The following KIRREL3 variants were observed in gnomAD, a reference collection of about 807,000 sequenced individuals.
KIRREL3 encodes the protein kin of IRRE-like protein 3.
A neutral mutation model predicts 89.7 loss-of-function variants in KIRREL3; 36 were observed. The observed-to-expected ratio is 0.40, with a 90% CI of 0.31 to 0.53. The LOEUF (loss-of-function observed/expected upper bound fraction) is 0.53, where lower values mean the gene tolerates loss of function less well. KIRREL3 is among the 20% of genes least tolerant of loss of function. The pLI is 0.49. For synonymous variants in KIRREL3, 445 were observed against 441.4 expected, an observed-to-expected ratio of 1.01 and a Z score of -0.10; for missense variants, 864 against 1,056.6, an observed-to-expected ratio of 0.82 and a Z score of 2.53.
rs1957036013 is a variant in KIRREL3, at chr11:126,475,383, C to T, written c.434-1917G>A. On this transcript the variant is annotated intron_variant, in intron 4 of 16. Coordinates refer to ENST00000525144, the MANE Select transcript of KIRREL3 (RefSeq NM_032531.4). This position sits in a 1 kb window ranked among gnomAD's most constrained non-coding sequence, Gnocchi z 7.5. ...TGAAAGCTCCAGGAGGGACAGGAAG[C>T]CCCAGTGGGGGCCGGTAAGAAGCCA... 6.6e-6 allele frequency among the ~76,000 whole-genome samples: 1 copy of T among 152,206 alleles called. No individual in the cohort carries two copies. Among genetic ancestry groups the T allele is most frequent in the Non-Finnish European group, 1.5e-5 (1 of 68,024 alleles).
chr11:126,755,823 CAGAGAGAGAGAGAG>C lies in KIRREL3; in HGVS notation c.56-192925_56-192912del, dbSNP rs10616492. Among the ~76,000 whole-genome samples, 95 of 147,900 alleles carry C rather than the reference CAGAGAGAGAGAGAG, an allele frequency of 6.4e-4. No individual in the cohort carries two copies. The highest frequency in any genetic ancestry group is 4.2e-3 in the East Asian group (21 of 4,990). On this transcript the variant is annotated intron_variant, in intron 1 of 16. Coordinates refer to ENST00000525144, the MANE Select transcript of KIRREL3 (RefSeq NM_032531.4). The surrounding 1 kb of genome is among the most constrained non-coding windows in gnomAD (Gnocchi z 4.3). The stretch of plus-strand genomic sequence containing the variant: ...GCGTGCTCGCCATCTGCCATTCAGG[CAGAGAGAGAGAGAG>C]AGAGAGAGAGAGAGAGAGGGAGAGA...
intron 1 of KIRREL3, among the ~76,000 whole-genome samples, chr11:126,865,891 T>C (rs562262072): frequency 6.6e-6 from 1 of 152,262 alleles, no homozygotes; most frequent in South Asian, 2.1e-4. Context: ...TAACTTTGTT[T>C]TTCCTTGTGA....
At position 126,948,971 on chromosome 11, in the gene KIRREL3, G is replaced by A. The variant is rs1015576657; in HGVS notation, c.55+51484C>T. 6.6e-6 allele frequency among the ~76,000 whole-genome samples: 1 copy of A among 152,238 alleles called. No homozygotes were observed. Among genetic ancestry groups the A allele is most frequent in the African/African-American group, 2.4e-5 (1 of 41,466 alleles). Reference sequence around the variant, plus strand: ...GAAAACATGCACTGCTCCAGGAAAAGCACCAGGCACAGAGCAAGTGTTTAA... The same window carrying A: ...GAAAACATGCACTGCTCCAGGAAAAACACCAGGCACAGAGCAAGTGTTTAA... On this transcript the variant is annotated intron_variant, in intron 1 of 16. Coordinates refer to ENST00000525144, the MANE Select transcript of KIRREL3 (RefSeq NM_032531.4). The surrounding 1 kb of genome is among the most constrained non-coding windows in gnomAD (Gnocchi z 4.5).
At chr11:126,467,041 C>G (rs976633589) in intron 5 of KIRREL3, among the ~76,000 whole-genome samples, 1 of 152,234 alleles carries the variant, frequency 6.6e-6, no homozygotes, top group Non-Finnish European at 1.5e-5. Flanking sequence ...AGATATGGGC[C>G]AGGGGCAGGC....
In KIRREL3 at chr11:126,628,932, G is replaced by A. The variant is rs1017743270; in HGVS notation, c.56-66020C>T. Among the ~76,000 whole-genome samples the A allele has an allele frequency of 2.8e-4, 43 of 152,188 alleles. No homozygotes were observed. Among genetic ancestry groups the A allele is most frequent in the Admixed American group, 2.4e-3 (36 of 15,278 alleles). ...AGCCCAGCAGAGGCACCAAACCCAC[G>A]CAATTTGTAAATCTTTGATAATGAG... On this transcript the variant is annotated intron_variant, in intron 1 of 16. Coordinates refer to ENST00000525144, the MANE Select transcript of KIRREL3 (RefSeq NM_032531.4). The surrounding 1 kb of genome is among the most constrained non-coding windows in gnomAD (Gnocchi z 5.2).
Position 126,705,681 on chromosome 11 carries a change from T to C in KIRREL3, c.56-142769A>G, listed in dbSNP as rs567960313. Reference sequence around the variant, plus strand: ...GTATGTGCAAGTGTATATGTATATGTAATGTATACCTATGTGTATGTGCAT... The same window carrying C: ...GTATGTGCAAGTGTATATGTATATGCAATGTATACCTATGTGTATGTGCAT... On this transcript the variant is annotated intron_variant, in intron 1 of 16. Coordinates refer to ENST00000525144, the MANE Select transcript of KIRREL3 (RefSeq NM_032531.4). This position sits in a 1 kb window ranked among gnomAD's most constrained non-coding sequence, Gnocchi z 4.3. Among the ~76,000 whole-genome samples, 162 of 152,348 alleles carry C rather than the reference T, an allele frequency of 1.1e-3. 3 individuals are homozygous for C. In the South Asian group the frequency reaches 0.024, roughly 23 times the overall value.
rs557646938 is a variant in KIRREL3 at position 126,795,273 on chromosome 11, A to G, written c.55+205182T>C. Reference sequence around the variant, plus strand: ...ACAATGTATCTATATTGGCTTACCAATGGTAACAGATATACTACACTAATG... The same window carrying G: ...ACAATGTATCTATATTGGCTTACCAGTGGTAACAGATATACTACACTAATG... On this transcript the variant is annotated intron_variant, in intron 1 of 16. Transcript: ENST00000525144. The surrounding 1 kb of genome is among the most constrained non-coding windows in gnomAD (Gnocchi z 4.1). Among the ~76,000 whole-genome samples the G allele has an allele frequency of 6.6e-6, 1 of 152,384 alleles. No homozygotes were observed. Among genetic ancestry groups the G allele is most frequent in the East Asian group, 1.9e-4 (1 of 5,186 alleles).
At chr11:126,852,332 G>A (rs1223242063) in intron 1 of KIRREL3, among the ~76,000 whole-genome samples, 3 of 152,158 alleles carry the variant, frequency 2.0e-5, no homozygotes, top group African/African-American at 7.2e-5. Flanking sequence ...GATTACAGGC[G>A]TGAGCCACCA....
At chr11:126,762,818 C>T (rs1042490226) in intron 1 of KIRREL3, among the ~76,000 whole-genome samples, 1 of 152,152 alleles carries the variant, frequency 6.6e-6, no homozygotes, top group Non-Finnish European at 1.5e-5. Context: ...CAGTCTCTTT[C>T]GTCAACCTGC....
intron 2 of KIRREL3, among the ~76,000 whole-genome samples, chr11:126,542,733 C>T (rs1938467570): frequency 1.3e-5 from 2 of 152,108 alleles, no homozygotes; most frequent in African/African-American, 4.8e-5. Context: ...GGACCTTATG[C>T]AAATAAGAGT....
intron 2 of KIRREL3, among the ~76,000 whole-genome samples, chr11:126,538,040 G>A (rs1032011339): frequency 6.6e-6 from 1 of 152,000 alleles, no homozygotes; most frequent in African/African-American, 2.4e-5. Flanking sequence ...AGGGGCCAGA[G>A]CAGCACCTGT....
At chr11:126,935,793 C>G (rs183642903) in intron 1 of KIRREL3, 1 of 152,154 alleles carries the variant, frequency 6.6e-6, no homozygotes, top group Non-Finnish European at 1.5e-5. Flanking sequence ...TTTGATACTA[C>G]GTGGTAGATG....
Position 126,498,233 on chromosome 11 carries a change from T to C in KIRREL3, c.433+23082A>G, listed in dbSNP as rs1957737709. ...GAGAGGGGTAGCACAAAAGAGGATT[T>C]ACTTTCTTCCCCCAAAATGATGTCA... On this transcript the variant is annotated intron_variant, in intron 4 of 16. Transcript: ENST00000525144. This position sits in a 1 kb window ranked among gnomAD's most constrained non-coding sequence, Gnocchi z 4.3. 6.6e-6 allele frequency among the ~76,000 whole-genome samples: 1 copy of C among 152,190 alleles called. No homozygotes were observed. The highest frequency in any genetic ancestry group is 2.1e-4 in the South Asian group (1 of 4,830).
At position 126,791,821 on chromosome 11, in the gene KIRREL3, G is replaced by A. The variant is rs1017760232; in HGVS notation, c.55+208634C>T. On this transcript the variant is annotated intron_variant, in intron 1 of 16. Transcript: ENST00000525144. This position sits in a 1 kb window ranked among gnomAD's most constrained non-coding sequence, Gnocchi z 4.8. ...TTTTAGCAGGTGGAGGGACAGTTGT[G>A]GGGCTGTAGGGGCGGTTTCTCAGAG... Among the ~76,000 whole-genome samples the A allele has an allele frequency of 1.3e-5, 2 of 152,288 alleles. No individual in the cohort carries two copies. The highest frequency in any genetic ancestry group is 4.8e-5 in the African/African-American group (2 of 41,556).
In KIRREL3 at chr11:126,908,669, A is replaced by G. The variant is rs1415871361; in HGVS notation, c.55+91786T>C. 1.3e-5 allele frequency among the ~76,000 whole-genome samples: 2 copies of G among 152,226 alleles called. No homozygotes were observed. The highest frequency in any genetic ancestry group is 4.1e-4 in the South Asian group (2 of 4,826). ...AAATCACAAATTCATTCATTTAACA[A>G]GTATTAAAGGGCTTCCCATACACCA... is the stretch of plus-strand genomic sequence containing the variant. On this transcript the variant is annotated intron_variant, in intron 1 of 16. Coordinates refer to ENST00000525144, the MANE Select transcript of KIRREL3 (RefSeq NM_032531.4). This position sits in a 1 kb window ranked among gnomAD's most constrained non-coding sequence, Gnocchi z 4.2.
intron 12 of KIRREL3, among the ~76,000 whole-genome samples, chr11:126,435,803 T>A (rs1955302033): frequency 2.0e-5 from 3 of 152,062 alleles, no homozygotes; most frequent in African/African-American, 4.8e-5. Flanking sequence ...TGGCCTAGAA[T>A]CTCTTGCTGG....
At chr11:126,512,509 G>C (rs1310232207) in intron 4 of KIRREL3, among the ~76,000 whole-genome samples, 1 of 152,172 alleles carries the variant, frequency 6.6e-6, no homozygotes, top group Non-Finnish European at 1.5e-5. Flanking sequence ...GAGATACCCA[G>C]GCCTGAGGAG....
intron 2 of KIRREL3, among the ~76,000 whole-genome samples, chr11:126,560,792 A>C (rs1424723946): frequency 6.6e-6 from 1 of 152,224 alleles, no homozygotes; most frequent in Non-Finnish European, 1.5e-5. Flanking sequence ...GAAGAAGCTA[A>C]TTGTTCTAAT....
At position 126,954,685 on chromosome 11, in the gene KIRREL3, T is replaced by C. The variant is rs1349925213; in HGVS notation, c.55+45770A>G. Among the ~76,000 whole-genome samples the C allele has an allele frequency of 6.6e-6, 1 of 152,148 alleles. No homozygotes were observed. The highest frequency in any genetic ancestry group is 2.4e-5 in the African/African-American group (1 of 41,438). On this transcript the variant is annotated intron_variant, in intron 1 of 16. Coordinates refer to ENST00000525144, the MANE Select transcript of KIRREL3 (RefSeq NM_032531.4). This position sits in a 1 kb window ranked among gnomAD's most constrained non-coding sequence, Gnocchi z 4.1. ...GGAAGCACCCTTAGAGGTCATCTAG[T>C]AGAATATCACAGGCAGTTCATTTTA...
Sources: allele counts gnomAD v4.1 joint callset (sites outside exome capture counted in the v4.1 genomes callset), GRCh38; gene constraint gnomAD v4.1.1; non-coding constraint Gnocchi (gnomAD v3.1); transcripts MANE v1.5; gene names NCBI Gene and HGNC (gene_info 2026-07-23, HGNC 2026-07-21).